PCNX4: variants seen among roughly 807,000 people sequenced by gnomAD.
PCNX4 encodes the protein pecanex 4, also known as pecanex-like protein 4.
PCNX4 carries 103 observed loss-of-function variants against 107.2 expected under a neutral mutation model. That is an observed-to-expected ratio of 0.96 (90% CI 0.82 to 1.13). PCNX4 has a LOEUF of 1.13. PCNX4 is among the 50% of genes most tolerant of loss of function. PCNX4 has a pLI of 0.00. For synonymous variants in PCNX4, 541 were observed against 481.7 expected (o/e 1.12, Z -1.61); for missense variants, 1,528 against 1,379.4 (o/e 1.11, Z -1.71).
chr14:60,124,550 A>C lies in PCNX4; in HGVS notation c.2379A>C (p.Leu793=). Residue 793 remains leucine, a synonymous_variant, in exon 9 of 11, where the codon CTA becomes CTC. Transcript: ENST00000406854. ...HNTENKGKAP[L]MLPALNTLPP... is the part of the protein sequence containing the mutation. ...CTGAAAATAAAGGGAAAGCACCTCT[A>C]ATGTTGCCTGCTTTGAACACTTTGC... 1 of 1,613,764 alleles carries C rather than the reference A, an allele frequency of 6.2e-7. No homozygotes were observed. The highest frequency in any genetic ancestry group is 1.1e-5 in the South Asian group (1 of 91,086).
chr14:60,127,400 A>G (rs1896075550), intron 10 of PCNX4, among the ~76,000 whole-genome samples: 1 of 152,166 alleles, frequency 6.6e-6, no homozygotes. Context: ...AACATAGAGT[A>G]ACCAGCTGGC....
rs1896452349 is a variant in PCNX4 at position 60,148,099 on chromosome 14, T to C, written c.*13878T>C. The C allele has an allele frequency of 6.6e-6, 1 of 152,232 alleles. No individual in the cohort carries two copies. Among genetic ancestry groups the C allele is most frequent in the African/African-American group, 2.4e-5 (1 of 41,452 alleles). 9.4% of individuals were successfully genotyped at this position (152,232 alleles called of 1,614,324 possible). On this transcript the variant is annotated 3_prime_UTR_variant, in exon 11 of 11. Coordinates refer to ENST00000406854, the MANE Select transcript of PCNX4 (RefSeq NM_001330177.2). The surrounding 1 kb of genome is among the most constrained non-coding windows in gnomAD (Gnocchi z 4.8). ...TTTTCACACTCTGGACATTTTAGTGTGTCATGACCCAGTCTGATAACCTTT... is the reference window on the plus strand; with the variant it reads ...TTTTCACACTCTGGACATTTTAGTGCGTCATGACCCAGTCTGATAACCTTT...
chr14:60,095,177 G>C (rs1895399852), intron 1 of PCNX4, among the ~76,000 whole-genome samples: 1 of 152,178 alleles, frequency 6.6e-6, no homozygotes, highest in African/African-American at 2.4e-5. Context: ...ATGTTGAGAA[G>C]TACACAATTG....
chr14:60,115,046 G>T lies in PCNX4; in HGVS notation c.942G>T (p.Val314=). ...ASYFIPSTVG[V]VLFMTGFGFL... is the part of the protein sequence containing the mutation. ...ATTTCATTCCAAGCACTGTTGGTGT[G>T]GTTCTTTTCATGACTGGATTTGGTT... Residue 314 remains valine, a synonymous_variant, in exon 4 of 11, where the codon GTG becomes GTT. Coordinates refer to ENST00000406854, the MANE Select transcript of PCNX4 (RefSeq NM_001330177.2). 6.2e-7 allele frequency: 1 copy of T among 1,613,558 alleles called. No homozygotes were observed. Among genetic ancestry groups the T allele is most frequent in the Non-Finnish European group, 8.5e-7 (1 of 1,179,748 alleles).
chr14:60,121,201 C>T lies in PCNX4; in HGVS notation c.1948C>T (p.Leu650Phe). Residue 650 changes from leucine to phenylalanine, a missense_variant, in exon 8 of 11, where the codon CTC becomes TTC. Physicochemically the swap from Leu to Phe is conservative, Grantham distance 22. Coordinates refer to ENST00000406854, the MANE Select transcript of PCNX4 (RefSeq NM_001330177.2). ...TTTTTTCTAATTTGTTGTAGGTCTCCTCCTACCTGGATCTCATTACTTGGG... is the reference window on the plus strand; with the variant it reads ...TTTTTTCTAATTTGTTGTAGGTCTCTTCCTACCTGGATCTCATTACTTGGG... ...TAMAAGSLGLLLPGSHYLGRF... is the reference protein window; with the variant it reads ...TAMAAGSLGLFLPGSHYLGRF... 6.3e-7 allele frequency: 1 copy of T among 1,576,544 alleles called. No individual in the cohort carries two copies. Among genetic ancestry groups the T allele is most frequent in the South Asian group, 1.2e-5 (1 of 86,794 alleles).
intron 1 of PCNX4, among the ~76,000 whole-genome samples, chr14:60,101,730 G>A (rs1406307853): frequency 6.6e-6 from 1 of 152,112 alleles, no homozygotes; most frequent in African/African-American, 2.4e-5. Context: ...GCTACCATAT[G>A]ATCTAGCAAT....
At position 60,107,847 on chromosome 14, in the gene PCNX4, A is replaced by G; in HGVS notation, c.209A>G (p.Tyr70Cys). The G allele has an allele frequency of 6.2e-7, 1 of 1,612,752 alleles. No individual in the cohort carries two copies. The highest frequency in any genetic ancestry group is 8.5e-7 in the Non-Finnish European group (1 of 1,179,750). Residue 70 changes from tyrosine (Y) to cysteine (C), a missense_variant, in exon 2 of 11, where the codon TAT becomes TGT. Coordinates refer to ENST00000406854, the MANE Select transcript of PCNX4 (RefSeq NM_001330177.2). ...LLYQLGILKD[Y>C]YTAALSGGLM... ...TACCAGTTAGGCATCCTGAAAGACT[A>G]TTATACAGCAGCACTTTCAGGTGGA...
Position 60,124,585 on chromosome 14 carries a change from A to C in PCNX4, c.2414A>C (p.Lys805Thr). 6.2e-7 allele frequency: 1 copy of C among 1,613,838 alleles called. No individual in the cohort carries two copies. Among genetic ancestry groups the C allele is most frequent in the Non-Finnish European group, 8.5e-7 (1 of 1,179,796 alleles). ...LPALNTLPPPKSPEDIDSLNS... is the reference protein window; with the variant it reads ...LPALNTLPPPTSPEDIDSLNS... ...GCTTTGAACACTTTGCCACCTCCCA[A>C]ATCCCCAGAAGACATAGACAGTTTA... The change falls in exon 9 of 11, where the codon AAA (lysine) becomes ACA (threonine). Residue 805 changes from lysine (K) to threonine (T), a missense_variant. By Grantham distance (78) the Lys-to-Thr change is moderately conservative (BLOSUM62 -1). Transcript: ENST00000406854.
In PCNX4 at chr14:60,125,694, A is replaced by G. The variant is rs1896041936; in HGVS notation, c.3138A>G (p.Arg1046=). 1 of 1,600,988 alleles carries G rather than the reference A, an allele frequency of 6.2e-7. No homozygotes were observed. Among genetic ancestry groups the G allele is most frequent in the South Asian group, 1.1e-5 (1 of 88,784 alleles). The change falls in exon 10 of 11, where the codon AGA becomes AGG. Residue 1046 remains arginine, a synonymous_variant. Transcript: ENST00000406854. ...GTTTAGGTCCAATAGAAGACTTTAG[A>G]GAACTGATTAAGTACCTTGAAGAAT... The part of the protein sequence containing the change: ...KASLGPIEDF[R]ELIKYLEEYE...
intron 10 of PCNX4, chr14:60,126,070 G>A: frequency 3.6e-6 from 1 of 277,698 alleles, no homozygotes; most frequent in Non-Finnish European, 6.7e-6. Context: ...TGCAATGCCT[G>A]ACCTATAAGA....
At position 60,124,464 on chromosome 14, in the gene PCNX4, G is replaced by C. The variant is rs376546224; in HGVS notation, c.2293G>C (p.Val765Leu). 6.2e-7 allele frequency: 1 copy of C among 1,613,712 alleles called. No homozygotes were observed. The highest frequency in any genetic ancestry group is 8.5e-7 in the Non-Finnish European group (1 of 1,179,746). The change falls in exon 9 of 11, where the codon GTG becomes CTG. Residue 765 changes from valine (V) to leucine (L), a missense_variant. By Grantham distance (32) the Val-to-Leu change is conservative. Coordinates refer to ENST00000406854, the MANE Select transcript of PCNX4 (RefSeq NM_001330177.2). Reference sequence around the variant, plus strand: ...TAAAGGTGACCTCATTAAAGTACTTGTGTGGATACTTGTTCAATACTGCTC... The same window carrying C: ...TAAAGGTGACCTCATTAAAGTACTTCTGTGGATACTTGTTCAATACTGCTC... ...EFKGDLIKVLVWILVQYCSKR... is the reference protein window; with the variant it reads ...EFKGDLIKVLLWILVQYCSKR...
chr14:60,123,322 A>T (rs1895988886), intron 8 of PCNX4, among the ~76,000 whole-genome samples: 1 of 152,126 alleles, frequency 6.6e-6, no homozygotes, highest in Non-Finnish European at 1.5e-5. Context: ...TAATACTTTA[A>T]AATTTACAAA....
In PCNX4 at chr14:60,136,226, T is replaced by A. The variant is rs139879916; in HGVS notation, c.*2005T>A. 4.1e-4 allele frequency: 62 copies of A among 152,322 alleles called. No individual in the cohort carries two copies. The highest frequency in any genetic ancestry group is 1.4e-3 in the African/African-American group (60 of 41,572). 9.4% of individuals were successfully genotyped at this position (152,322 alleles called of 1,614,324 possible). ...AGCTTTTGTGTTTTCTTTTGAACTT[T>A]CCTGACACTACATTATCTTTGTTTT... On this transcript the variant is annotated 3_prime_UTR_variant, in exon 11 of 11. Coordinates refer to ENST00000406854, the MANE Select transcript of PCNX4 (RefSeq NM_001330177.2).
At chr14:60,096,125 G>A (rs1349610957) in intron 1 of PCNX4, among the ~76,000 whole-genome samples, 1 of 140,862 alleles carries the variant, frequency 7.1e-6, no homozygotes, top group Non-Finnish European at 1.6e-5. Context: ...ATTGATTAAC[G>A]AAGGTTTTGG....
Sources: gnomAD v4.1 joint callset for allele counts (sites outside exome capture counted in the v4.1 genomes callset) on GRCh38, gnomAD v4.1.1 for gene constraint, Gnocchi (gnomAD v3.1) non-coding constraint, MANE v1.5 for transcripts, NCBI Gene and HGNC (gene_info 2026-07-23, HGNC 2026-07-21) for gene names.